Variants in ADAM32 observed in about 807,000 individuals in gnomAD.
ADAM32 encodes the protein ADAM metallopeptidase domain 32.
Under a neutral mutation model 114.9 loss-of-function variants are expected in ADAM32, and 89 were observed. The ratio of observed to expected loss-of-function variants is 0.77; its 90% confidence interval spans 0.65 to 0.92. The LOEUF (loss-of-function observed/expected upper bound fraction) is 0.92. Among genes scored for constraint, ADAM32 ranks in the 40% least tolerant of loss-of-function variants. The pLI, the probability that ADAM32 is intolerant of heterozygous loss-of-function variation, is 0.00. For missense variants in ADAM32, 870 were observed against 932.8 expected, an observed-to-expected ratio of 0.93 and a Z score of 0.88; for synonymous variants, 285 against 307.5, an observed-to-expected ratio of 0.93 and a Z score of 0.77.
At chr8:39,141,288 T>C (rs1803138381) in intron 3 of ADAM32, among the ~76,000 whole-genome samples, 1 of 152,360 alleles carries the variant, frequency 6.6e-6, no homozygotes, top group South Asian at 2.1e-4. Context: ...TGTTAGGGTG[T>C]CAATTTTAGG....
At chr8:39,129,671 C>T (rs903089361) in intron 2 of ADAM32, among the ~76,000 whole-genome samples, 17 of 152,076 alleles carry the variant, frequency 1.1e-4, no homozygotes, top group Non-Finnish European at 2.9e-5. Context: ...TGTATAACCA[C>T]CATAATTCTG....
chr8:39,222,418 T>C (rs2129448843), intron 13 of ADAM32, among the ~76,000 whole-genome samples: 1 of 152,202 alleles, frequency 6.6e-6, no homozygotes, highest in East Asian at 1.9e-4. Flanking sequence ...CTTTTTAGTG[T>C]CAGCTGGAAG....
chr8:39,284,717 A>T (rs1429506443), intron 24 of ADAM32, 76 bp from the exon 25 acceptor site: 3 of 1,529,372 alleles, frequency 2.0e-6, no homozygotes, highest in African/African-American at 2.7e-5. Context: ...ACTTGGCAAT[A>T]CCTCAGCTGC....
At chr8:39,211,985 C>T (rs1808253010) in intron 12 of ADAM32, among the ~76,000 whole-genome samples, 1 of 151,952 alleles carries the variant, frequency 6.6e-6, no homozygotes, top group Non-Finnish European at 1.5e-5. Context: ...TTTGGTAGAA[C>T]AAGTCATCTT....
intron 10 of ADAM32, among the ~76,000 whole-genome samples, chr8:39,180,124 C>A (rs906853164): frequency 1.3e-5 from 2 of 152,166 alleles, no homozygotes; most frequent in African/African-American, 4.8e-5. Flanking sequence ...GGGAGAGGCG[C>A]GAGTGGGAAC....
intron 1 of ADAM32, 47 bp from the exon 2 acceptor site, chr8:39,118,039 C>A (rs753527734): frequency 1.6e-5 from 20 of 1,213,282 alleles, no homozygotes; most frequent in South Asian, 3.1e-5. Context: ...GATATTTAAT[C>A]AAATTAAGGC....
intron 4 of ADAM32, among the ~76,000 whole-genome samples, chr8:39,148,960 T>TC (rs1402628958): frequency 6.6e-6 from 1 of 152,148 alleles, no homozygotes; most frequent in African/African-American, 2.4e-5. Flanking sequence ...ATCTATTGAG[T>TC]CCTGCTTTAT....
intron 9 of ADAM32, chr8:39,169,084 C>T (rs117415437): frequency 0.016 from 2,493 of 152,160 alleles, 33 homozygotes; most frequent in Non-Finnish European, 0.027. Flanking sequence ...AGAGGCAGTG[C>T]GATTGTGAAG....
intron 19 of ADAM32, among the ~76,000 whole-genome samples, chr8:39,263,340 A>G (rs185695157): frequency 2.6e-5 from 4 of 152,196 alleles, no homozygotes; most frequent in Admixed American, 1.3e-4. Context: ...TTATCTTTAT[A>G]CTTAAACTTT....
intron 17 of ADAM32, among the ~76,000 whole-genome samples, chr8:39,249,059 A>T (rs1811118988): frequency 6.6e-6 from 1 of 151,760 alleles, no homozygotes; most frequent in South Asian, 2.1e-4. Flanking sequence ...TCCTGCCACC[A>T]TGCCCGGATA....
In ADAM32 at chr8:39,203,078, T is replaced by C. The variant is rs572046134; in HGVS notation, c.1053-8066T>C. ...TATGTGGTCAATTTTGGGATAAGTG[T>C]GATGTGGTGCTGAGAAGCATGTATA... On this transcript the variant is annotated intron_variant, in intron 11 of 24. Coordinates refer to ENST00000379907, the MANE Select transcript of ADAM32 (RefSeq NM_145004.7). Among the ~76,000 whole-genome samples the C allele has an allele frequency of 1.4e-4, 22 of 152,282 alleles. No individual in the cohort carries two copies. The South Asian group carries it at 4.6e-3, about 32-fold the overall frequency.
chr8:39,199,541 GT>G (rs1196035483), intron 11 of ADAM32, among the ~76,000 whole-genome samples: 7 of 151,662 alleles, frequency 4.6e-5, no homozygotes, highest in Non-Finnish European at 1.0e-4. Flanking sequence ...CAAGGTTTCT[GT>G]TTGATTCTTT....
intron 16 of ADAM32, among the ~76,000 whole-genome samples, chr8:39,235,055 G>A (rs1249281716): frequency 1.3e-5 from 2 of 152,066 alleles, no homozygotes; most frequent in Non-Finnish European, 2.9e-5. Flanking sequence ...GGGGATGGAG[G>A]ACTGCCCTCC....
intron 19 of ADAM32, among the ~76,000 whole-genome samples, chr8:39,264,997 T>C (rs1812268484): frequency 1.3e-5 from 2 of 152,174 alleles, no homozygotes; most frequent in African/African-American, 4.8e-5. Flanking sequence ...CTGTTAGGTC[T>C]ACTTGGTCAA....
chr8:39,208,770 C>T (rs529931674), intron 11 of ADAM32, among the ~76,000 whole-genome samples: 1 of 152,260 alleles, frequency 6.6e-6, no homozygotes, highest in East Asian at 1.9e-4. Flanking sequence ...GATGTACTGG[C>T]ACTCCTTCAT....
intron 16 of ADAM32, among the ~76,000 whole-genome samples, chr8:39,243,533 T>C (rs1488884305): frequency 6.6e-6 from 1 of 152,126 alleles, no homozygotes; most frequent in East Asian, 1.9e-4. Flanking sequence ...AAAAATCAGA[T>C]GATCATTTCA....
chr8:39,108,636 A>G (rs901932093), intron 1 of ADAM32, among the ~76,000 whole-genome samples: 5 of 152,222 alleles, frequency 3.3e-5, no homozygotes, highest in African/African-American at 1.2e-4. Context: ...AAGATTCAGA[A>G]TAGTATGTAA....
intron 11 of ADAM32, among the ~76,000 whole-genome samples, chr8:39,205,348 C>G (rs368308203): frequency 3.3e-4 from 51 of 152,334 alleles, no homozygotes; most frequent in Admixed American, 1.0e-3. Flanking sequence ...CCCCCAGCCT[C>G]GCTGCCACCT....
At chr8:39,144,566 AT>A (rs1294246322) in intron 3 of ADAM32, among the ~76,000 whole-genome samples, 1 of 152,188 alleles carries the variant, frequency 6.6e-6, no homozygotes, top group Non-Finnish European at 1.5e-5. Context: ...ATGGCAGTTA[AT>A]TTAGTTTAGA....
Sources: allele counts gnomAD v4.1 joint callset (sites outside exome capture counted in the v4.1 genomes callset), GRCh38; gene constraint gnomAD v4.1.1; transcripts MANE v1.5; gene names NCBI Gene and HGNC (gene_info 2026-07-23, HGNC 2026-07-21).